Variants in TSC22D4 observed in about 807,000 individuals in gnomAD.
TSC22D4 encodes TSC22 domain family protein 4.
A neutral mutation model predicts 24.9 loss-of-function variants in TSC22D4; 5 were observed. That is an observed-to-expected ratio of 0.20 (90% confidence interval 0.10 to 0.42). The LOEUF (loss-of-function observed/expected upper bound fraction) is 0.42. Among genes scored for constraint, TSC22D4 ranks in the 10% least tolerant of loss-of-function variants. The pLI is 1.00. For synonymous variants in TSC22D4, 245 were observed against 243.2 expected (o/e 1.01, Z -0.07); for missense variants, 469 against 547.9 (o/e 0.86, Z 1.44).
At chr7:100,467,858 T>C (rs1283554855) in intron 3 of TSC22D4, 3 of 665,064 alleles carry the variant, frequency 4.5e-6, no homozygotes, top group African/African-American at 1.8e-5. Flanking sequence ...CAGCCCCTTT[T>C]TCGGGGCAGC....
Position 100,477,679 on chromosome 7 carries a change from C to A in TSC22D4, c.360G>T (p.Gly120=). The A allele has an allele frequency of 6.3e-7, 1 of 1,592,016 alleles. No individual in the cohort carries two copies. Among genetic ancestry groups the A allele is most frequent in the Non-Finnish European group, 8.5e-7 (1 of 1,175,182 alleles). Residue 120 remains glycine (G), a synonymous_variant, in exon 2 of 5, where the codon GGG becomes GGT. Transcript: ENST00000300181. This position sits in a 1 kb window ranked among gnomAD's most constrained non-coding sequence, Gnocchi z 7.8. Reference sequence around the variant, plus strand: ...CCAACCTGGAATCCAAAGATCTGCCCCCGGCGCCCCCTGAGGCCCCTCGAA... The same window carrying A: ...CCAACCTGGAATCCAAAGATCTGCCACCGGCGCCCCCTGAGGCCCCTCGAA... The part of the protein sequence containing the change: ...EGIRGASGGA[G]GRSLDSRLEL...
At position 100,474,005 on chromosome 7, in the gene TSC22D4, C is replaced by A; in HGVS notation, c.929+269G>T. On this transcript the variant is annotated intron_variant, in intron 3 of 4. Transcript: ENST00000300181. The surrounding 1 kb of genome is among the most constrained non-coding windows in gnomAD (Gnocchi z 4.3). Reference sequence around the variant, plus strand: ...TCTAAATCTGCAAGAGCTCTGGAATCTGACAACAATGACTCCCTTCAGACT... The same window carrying A: ...TCTAAATCTGCAAGAGCTCTGGAATATGACAACAATGACTCCCTTCAGACT... 2.5e-6 allele frequency: 1 copy of A among 401,344 alleles called. No homozygotes were observed. Among genetic ancestry groups the A allele is most frequent in the Admixed American group, 3.6e-5 (1 of 27,684 alleles). The allele number at this position is 401,344 out of a possible 1,614,324, so 24.9% of individuals were successfully genotyped here. A position where few individuals can be genotyped will look rare whatever the true frequency, so the allele number is the denominator to read the frequency against.
Position 100,467,106 on chromosome 7 carries a change from C to A in TSC22D4, c.1041G>T (p.Gln347His). ...VREEVEVLKE[Q>H]IRELAERNAA... Reference sequence around the variant, plus strand: ...CGTTCCGCTCCGCCAATTCCCGGATCTGCTCCTTCAGCACCTCCACCTCCT... The same window carrying A: ...CGTTCCGCTCCGCCAATTCCCGGATATGCTCCTTCAGCACCTCCACCTCCT... The change falls in exon 5 of 5, where the codon CAG becomes CAT. Residue 347 changes from glutamine (Q) to histidine (H), a missense_variant. By Grantham distance (24) the Gln-to-His change is conservative (BLOSUM62 0). Transcript: ENST00000300181. 6.2e-7 allele frequency: 1 copy of A among 1,614,174 alleles called. No individual in the cohort carries two copies. Among genetic ancestry groups the A allele is most frequent in the South Asian group, 1.1e-5 (1 of 91,092 alleles).
At chr7:100,468,038 G>A (rs965041926) in intron 3 of TSC22D4, 3 of 440,812 alleles carry the variant, frequency 6.8e-6, no homozygotes, top group South Asian at 1.7e-5. Context: ...GCAGAGCAGG[G>A]TCTGGCTGGT....
At chr7:100,468,045 T>C (rs1419368990) in intron 3 of TSC22D4, 1 of 435,000 alleles carries the variant, frequency 2.3e-6, no homozygotes, top group Non-Finnish European at 4.7e-6. Context: ...AGGGTCTGGC[T>C]GGTGCCAGGC....
intron 1 of TSC22D4, among the ~76,000 whole-genome samples, chr7:100,478,513 G>A (rs1335572762): frequency 6.6e-6 from 1 of 151,904 alleles, no homozygotes; most frequent in African/African-American, 2.4e-5. Context: ...CCAGGGCAGA[G>A]GGGACTGGAT....
At chr7:100,473,337 G>T (rs1799428166) in intron 3 of TSC22D4, among the ~76,000 whole-genome samples, 1 of 152,166 alleles carries the variant, frequency 6.6e-6, no homozygotes, top group African/African-American at 2.4e-5. Context: ...GGGCTATCAG[G>T]ATGTCACGCT....
chr7:100,477,911 AG>A lies in TSC22D4; in HGVS notation c.127del (p.Leu43CysfsTer33). 1 of 1,456,748 alleles carries A rather than the reference AG, an allele frequency of 6.9e-7. No individual in the cohort carries two copies. Among genetic ancestry groups the A allele is most frequent in the Non-Finnish European group, 9.2e-7 (1 of 1,086,406 alleles). 90.2% of individuals were successfully genotyped at this position (1,456,748 alleles called of 1,614,324 possible). On this transcript the variant is annotated frameshift_variant, in exon 2 of 5. Transcript: ENST00000300181. LOFTEE classifies it high-confidence loss of function. This position sits in a 1 kb window ranked among gnomAD's most constrained non-coding sequence, Gnocchi z 7.8. Reference protein sequence around the residue: ...PQPPTGPPPRLPNGEPSPDPG... With the variant: ...PQPPTGPPPRXPNGEPSPDPG... ...ATCGGGGCTGGGCTCCCCATTGGGC[AG>A]GCGGGGCGGGGGCCCGGTTGGGGGC...
At position 100,477,733 on chromosome 7, in the gene TSC22D4, G is replaced by T; in HGVS notation, c.306C>A (p.Pro102=). The T allele has an allele frequency of 6.2e-7, 1 of 1,602,398 alleles. No homozygotes were observed. Reference sequence around the variant, plus strand: ...CCTCCAGGAGTCCGCCGAAGCTGTGGGGCTCCAGGTCTCGCTCATAAACAT... The same window carrying T: ...CCTCCAGGAGTCCGCCGAAGCTGTGTGGCTCCAGGTCTCGCTCATAAACAT... The part of the protein sequence containing the change: ...CVDVYERDLE[P]HSFGGLLEGI... Residue 102 remains proline (P), a synonymous_variant, in exon 2 of 5, where the codon CCC becomes CCA. Coordinates refer to ENST00000300181, the MANE Select transcript of TSC22D4 (RefSeq NM_030935.5). This position sits in a 1 kb window ranked among gnomAD's most constrained non-coding sequence, Gnocchi z 7.8.
rs1563182097 is a variant in TSC22D4 at position 100,474,367 on chromosome 7, G to A, written c.836C>T (p.Ser279Phe). Residue 279 changes from serine to phenylalanine, a missense_variant, in exon 3 of 5, where the codon TCT becomes TTT. By Grantham distance (155) the Ser-to-Phe change is radical. Transcript: ENST00000300181. The surrounding 1 kb of genome is among the most constrained non-coding windows in gnomAD (Gnocchi z 4.3). ...TGCTACTGCTCCGAAGGGGTCTGGA[G>A]ATTTGTGAACCAGGCTGGCATCGTG... The part of the protein sequence containing the change: ...FTHDASLVHK[S>F]PDPFGAVAAQ... 5 of 1,614,152 alleles carry A rather than the reference G, an allele frequency of 3.1e-6. No individual in the cohort carries two copies. In the South Asian group the frequency reaches 3.3e-5, roughly 11 times the overall value.
intron 3 of TSC22D4, among the ~76,000 whole-genome samples, chr7:100,470,637 G>A (rs1774896066): frequency 6.6e-6 from 1 of 152,072 alleles, no homozygotes; most frequent in Non-Finnish European, 1.5e-5. Flanking sequence ...ACACTTCAAG[G>A]GACCAGGGCT....
chr7:100,475,616 C>A (rs571762311), intron 2 of TSC22D4, among the ~76,000 whole-genome samples: 20 of 152,296 alleles, frequency 1.3e-4, no homozygotes, highest in Non-Finnish European at 2.6e-4. Flanking sequence ...ACTCTCGCTT[C>A]CCCTCTCAAA....
Position 100,467,684 on chromosome 7 carries a change from C to T in TSC22D4, c.930-84G>A, listed in dbSNP as rs756303021. On this transcript the variant is annotated intron_variant, in intron 3 of 4. Coordinates refer to ENST00000300181, the MANE Select transcript of TSC22D4 (RefSeq NM_030935.5). The stretch of plus-strand genomic sequence containing the variant: ...CTTGGACCACAGCCTCCCGCCCACA[C>T]CCCCCTGTACCTGTGACAGTAGAGA... 15 of 1,260,582 alleles carry T rather than the reference C, an allele frequency of 1.2e-5. No individual in the cohort carries two copies. In the African/African-American group the frequency reaches 2.2e-4, roughly 19 times the overall value. 78.1% of individuals were successfully genotyped at this position (1,260,582 alleles called of 1,614,324 possible).
In TSC22D4 at chr7:100,477,201, G is replaced by C. The variant is rs1799514075; in HGVS notation, c.762+76C>G. ...TGATGGAGAAGGAGGAGGAGAGGGG[G>C]GGGAGGAGGAGGAAGGAGGCTCAAG... On this transcript the variant is annotated intron_variant, in intron 2 of 4. Transcript: ENST00000300181. This position sits in a 1 kb window ranked among gnomAD's most constrained non-coding sequence, Gnocchi z 7.8. 1.7e-6 allele frequency: 2 copies of C among 1,184,728 alleles called. No homozygotes were observed. The highest frequency in any genetic ancestry group is 2.5e-5 in the South Asian group (1 of 39,754). 73.4% of individuals were successfully genotyped at this position (1,184,728 alleles called of 1,614,324 possible).
At chr7:100,468,678 T>C (rs1168671620) in intron 3 of TSC22D4, among the ~76,000 whole-genome samples, 1 of 152,006 alleles carries the variant, frequency 6.6e-6, no homozygotes, top group Non-Finnish European at 1.5e-5. Context: ...GGCTCACACC[T>C]GTAATCCCAG....
chr7:100,470,458 A>G (rs566025811), intron 3 of TSC22D4, among the ~76,000 whole-genome samples: 3 of 152,046 alleles, frequency 2.0e-5, no homozygotes, highest in Non-Finnish European at 4.4e-5. Flanking sequence ...TGCCCAGCTA[A>G]TTTTTGTATT....
In TSC22D4 at chr7:100,474,259, A is replaced by G; in HGVS notation, c.929+15T>C. Reference sequence around the variant, plus strand: ...CCTGAACCCCACGCCCCACCACCCCACGAAGCCCACCTACCTATCATCGTC... The same window carrying G: ...CCTGAACCCCACGCCCCACCACCCCGCGAAGCCCACCTACCTATCATCGTC... On this transcript the variant is annotated intron_variant, in intron 3 of 4. Coordinates refer to ENST00000300181, the MANE Select transcript of TSC22D4 (RefSeq NM_030935.5). This position sits in a 1 kb window ranked among gnomAD's most constrained non-coding sequence, Gnocchi z 4.3. The G allele has an allele frequency of 2.5e-6, 4 of 1,611,834 alleles. No homozygotes were observed. Among genetic ancestry groups the G allele is most frequent in the Non-Finnish European group, 3.4e-6 (4 of 1,178,228 alleles).
rs1410877768 is a variant in TSC22D4 at position 100,474,964 on chromosome 7, G to T, written c.763-524C>A. ...CTACAGGCATGCACCATCATAACTG[G>T]CTAATTTTTTATTTTTGGTTAACAC... On this transcript the variant is annotated intron_variant, in intron 2 of 4. Coordinates refer to ENST00000300181, the MANE Select transcript of TSC22D4 (RefSeq NM_030935.5). This position sits in a 1 kb window ranked among gnomAD's most constrained non-coding sequence, Gnocchi z 4.3. Among the ~76,000 whole-genome samples the T allele has an allele frequency of 6.6e-6, 1 of 152,188 alleles. No homozygotes were observed.
intron 3 of TSC22D4, among the ~76,000 whole-genome samples, chr7:100,469,804 A>G (rs1434564313): frequency 6.6e-6 from 1 of 152,138 alleles, no homozygotes; most frequent in Non-Finnish European, 1.5e-5. Context: ...GGGGATCAGC[A>G]CTCAATTCAA....
Sources: allele counts gnomAD v4.1 joint callset (sites outside exome capture counted in the v4.1 genomes callset), GRCh38; gene constraint gnomAD v4.1.1; non-coding constraint Gnocchi (gnomAD v3.1); transcripts MANE v1.5; gene names NCBI Gene and HGNC (gene_info 2026-07-23, HGNC 2026-07-21).